DCAF17: variants seen among roughly 807,000 people sequenced by gnomAD.
The protein encoded by DCAF17 is DDB1- and CUL4-associated factor 17.
A neutral mutation model predicts 66.0 loss-of-function variants in DCAF17; 48 were observed. The ratio of observed to expected loss-of-function variants is 0.73; its 90% CI spans 0.58 to 0.92. The LOEUF (loss-of-function observed/expected upper bound fraction) is 0.92. DCAF17 is among the 40% of genes least tolerant of loss of function. DCAF17 has a pLI of 0.00. For missense variants in DCAF17, 562 were observed against 622.8 expected (o/e 0.90, Z 1.04); for synonymous variants, 206 against 214.6 (o/e 0.96, Z 0.35).
chr2:171,447,597 C>T (rs1040938567), intron 3 of DCAF17: 2 of 161,552 alleles, frequency 1.2e-5, no homozygotes, highest in South Asian at 1.5e-4. Context: ...CTCCTGACAT[C>T]GTGATCCAGC....
chr2:171,464,212 C>T (rs1333955939), intron 8 of DCAF17, among the ~76,000 whole-genome samples: 1 of 152,172 alleles, frequency 6.6e-6, no homozygotes, highest in Non-Finnish European at 1.5e-5. Context: ...TAGAGACTCT[C>T]AGTTTCCTAG....
At chr2:171,478,435 C>T (rs62183507) in intron 12 of DCAF17, among the ~76,000 whole-genome samples, 30,629 of 151,956 alleles carry the variant, frequency 0.2, 3,232 homozygotes, top group South Asian at 0.28. Flanking sequence ...TGGTTTTTGC[C>T]TCATTTTTTA....
intron 8 of DCAF17, among the ~76,000 whole-genome samples, chr2:171,460,446 A>G (rs1038947018): frequency 1.3e-5 from 2 of 151,530 alleles, no homozygotes; most frequent in African/African-American, 2.4e-5. Context: ...TGGATTTGGG[A>G]TCAGAATTTT....
At position 171,484,074 on chromosome 2, in the gene DCAF17, TGTA is replaced by T. The variant is rs1188829337; in HGVS notation, c.*2963_*2965del. 4.4e-6 allele frequency: 2 copies of T among 454,014 alleles called. No individual in the cohort carries two copies. The highest frequency in any genetic ancestry group is 2.4e-5 in the Admixed American group (1 of 42,544). The allele number at this position is 454,014 out of a possible 1,614,324, so 28.1% of individuals were successfully genotyped here. ...AAGTCACACATAAATTGACAGAAAATGTAGTTCTTCATTCAATGGTTAGCAGTC... is the reference window on the plus strand; with the variant it reads ...AAGTCACACATAAATTGACAGAAAATGTTCTTCATTCAATGGTTAGCAGTC... On this transcript the variant is annotated 3_prime_UTR_variant, in exon 14 of 14. Transcript: ENST00000375255.
chr2:171,434,359 C>T lies in DCAF17; in HGVS notation c.-219C>T, dbSNP rs1240716832. The T allele has an allele frequency of 8.9e-6, 7 of 788,416 alleles. No homozygotes were observed. The highest frequency in any genetic ancestry group is 8.1e-5 in the Admixed American group (4 of 49,188). The allele number at this position is 788,416 out of a possible 1,614,324, so 48.8% of individuals were successfully genotyped here. A position where few individuals can be genotyped will look rare whatever the true frequency, so the allele number is the denominator to read the frequency against. On this transcript the variant is annotated 5_prime_UTR_variant, in exon 1 of 14. Coordinates refer to ENST00000375255, the MANE Select transcript of DCAF17 (RefSeq NM_025000.4). ...CCTGGGGCAGATCGAAAAGGGAGTG[C>T]TTCTTCCCTTCTCTCCGCGCTCTGG...
chr2:171,440,659 A>G (rs1226765277), intron 2 of DCAF17, among the ~76,000 whole-genome samples: 1 of 152,196 alleles, frequency 6.6e-6, no homozygotes, highest in Non-Finnish European at 1.5e-5. Flanking sequence ...TCTGAGTAGG[A>G]GTTCGGCTAT....
At chr2:171,439,511 C>CTTTTTTTTTTTTTTTTTT (rs374646610) in intron 2 of DCAF17, among the ~76,000 whole-genome samples, 2 of 94,772 alleles carry the variant, frequency 2.1e-5, no homozygotes, top group African/African-American at 4.1e-5. Flanking sequence ...CTTTTTTTTC[C>CTTTTTTTTTTTTTTTTTT]TTTTTTTTTT....
At position 171,453,291 on chromosome 2, in the gene DCAF17, A is replaced by T. The variant is rs558760770; in HGVS notation, c.627+78A>T. The T allele has an allele frequency of 1.6e-4, 178 of 1,132,802 alleles. No homozygotes were observed. The South Asian group carries it at 2.1e-3, about 13-fold the overall frequency. The allele number at this position is 1,132,802 out of a possible 1,614,324, so 70.2% of individuals were successfully genotyped here. A position where few individuals can be genotyped will look rare whatever the true frequency, so the allele number is the denominator to read the frequency against. On this transcript the variant is annotated intron_variant, in intron 6 of 13. Coordinates refer to ENST00000375255, the MANE Select transcript of DCAF17 (RefSeq NM_025000.4). Reference sequence around the variant, plus strand: ...ATGTCATTATTTAATTATTTATGAGATATTTGATTGGAAATGCTCCCCTCA... The same window carrying T: ...ATGTCATTATTTAATTATTTATGAGTTATTTGATTGGAAATGCTCCCCTCA...
In DCAF17 at chr2:171,478,022, G is replaced by T. The variant is rs746364079; in HGVS notation, c.1218G>T (p.Arg406=). The T allele has an allele frequency of 1.9e-6, 3 of 1,613,882 alleles. No homozygotes were observed. Among genetic ancestry groups the T allele is most frequent in the Non-Finnish European group, 2.5e-6 (3 of 1,179,926 alleles). ...TACTCACTGTTACAGCTTCTGGACGGGTGGTAAAAAAAAGTTTTAACCTTC... is the reference window on the plus strand; with the variant it reads ...TACTCACTGTTACAGCTTCTGGACGTGTGGTAAAAAAAAGTTTTAACCTTC... ...ENVLTVTASG[R]VVKKSFNLLD... is the part of the protein sequence containing the mutation. Residue 406 remains arginine, a synonymous_variant, in exon 12 of 14, where the codon CGG becomes CGT. Transcript: ENST00000375255.
In DCAF17 at chr2:171,478,016, T is replaced by G. The variant is rs141121608; in HGVS notation, c.1212T>G (p.Ser404=). The change falls in exon 12 of 14, where the codon TCT becomes TCG. Residue 404 remains serine (S), a synonymous_variant. Transcript: ENST00000375255. The part of the protein sequence containing the change: ...KNENVLTVTA[S]GRVVKKSFNL... ...AAAATGTACTCACTGTTACAGCTTC[T>G]GGACGGGTGGTAAAAAAAAGTTTTA... 1.2e-5 allele frequency: 20 copies of G among 1,614,052 alleles called. No homozygotes were observed. The Admixed American group carries it at 3.3e-4, about 27-fold the overall frequency.
intron 8 of DCAF17, 141 bp downstream of exon 8, chr2:171,458,618 C>A: frequency 1.5e-6 from 1 of 688,900 alleles, no homozygotes; most frequent in Non-Finnish European, 2.5e-6. Context: ...ATGTGCCTTG[C>A]TATTCAATAA....
chr2:171,470,225 G>GT (rs1246923404), intron 9 of DCAF17, among the ~76,000 whole-genome samples: 2 of 151,690 alleles, frequency 1.3e-5, no homozygotes, highest in Non-Finnish European at 2.9e-5. Flanking sequence ...GCCTCGCTGT[G>GT]TTTCCCTGGG....
rs543313879 is a variant in DCAF17, at chr2:171,462,346, AT to A, written c.838+3870del. On this transcript the variant is annotated intron_variant, in intron 8 of 13. Transcript: ENST00000375255. ...ATACTGTAATGGGGCAATTTCCTTAATATGTGAAGGGTTCTATAGATCAATA... is the reference window on the plus strand; with the variant it reads ...ATACTGTAATGGGGCAATTTCCTTAAATGTGAAGGGTTCTATAGATCAATA... Among the ~76,000 whole-genome samples the A allele has an allele frequency of 2.5e-3, 388 of 152,328 alleles. 2 individuals are homozygous for A. Among genetic ancestry groups the A allele is most frequent in the Non-Finnish European group, 3.8e-3 (260 of 68,008 alleles).
intron 12 of DCAF17, chr2:171,479,804 C>G (rs1195513912): frequency 6.4e-6 from 3 of 466,822 alleles, no homozygotes; most frequent in African/African-American, 2.0e-5. Context: ...TCTACATAGA[C>G]TTGGTTTTGT....
intron 5 of DCAF17, among the ~76,000 whole-genome samples, chr2:171,451,366 A>G (rs1238413344): frequency 1.3e-5 from 2 of 152,130 alleles, no homozygotes; most frequent in East Asian, 1.9e-4. Flanking sequence ...TTTATTTAGT[A>G]TGACATCTAA....
chr2:171,454,966 ATTTTC>A (rs892575450), intron 6 of DCAF17, among the ~76,000 whole-genome samples: 53 of 147,832 alleles, frequency 3.6e-4, no homozygotes, highest in African/African-American at 1.0e-3. Context: ...TTCTTTATAT[ATTTTC>A]TTTTTTTTTT....
rs1044637191 is a variant in DCAF17 at position 171,449,086 on chromosome 2, G to T, written c.458+269G>T. Among the ~76,000 whole-genome samples the T allele has an allele frequency of 4.6e-5, 7 of 151,776 alleles. No homozygotes were observed. In the East Asian group the frequency reaches 1.4e-3, roughly 29 times the overall value. ...TGCAGTGGCGTGATCTCTGCTTACT[G>T]CAACCTCCACCTACCAGGTTCAAGC... On this transcript the variant is annotated intron_variant, in intron 4 of 13. Coordinates refer to ENST00000375255, the MANE Select transcript of DCAF17 (RefSeq NM_025000.4).
intron 9 of DCAF17, among the ~76,000 whole-genome samples, chr2:171,471,824 G>C (rs1336078232): frequency 6.6e-6 from 1 of 152,050 alleles, no homozygotes; most frequent in Non-Finnish European, 1.5e-5. Context: ...AGATCAGCCT[G>C]GGCAGCATGG....
chr2:171,461,116 T>G (rs947775923), intron 8 of DCAF17, among the ~76,000 whole-genome samples: 2 of 152,208 alleles, frequency 1.3e-5, no homozygotes, highest in African/African-American at 4.8e-5. Flanking sequence ...ACTTTTTTTC[T>G]TAGTGCAAAA....
Sources: gnomAD v4.1 joint callset for allele counts (sites outside exome capture counted in the v4.1 genomes callset) on GRCh38, gnomAD v4.1.1 for gene constraint, MANE v1.5 for transcripts, NCBI Gene and HGNC (gene_info 2026-07-23, HGNC 2026-07-21) for gene names.